The following FNBP1L variants were observed in gnomAD, a reference collection of about 807,000 sequenced individuals.
FNBP1L encodes formin binding protein 1 like.
Under a neutral mutation model 91.2 loss-of-function variants are expected in FNBP1L, and 36 were observed. The observed-to-expected ratio is 0.39, with a 90% confidence interval of 0.30 to 0.52. The LOEUF (loss-of-function observed/expected upper bound fraction) is 0.52. Among genes scored for constraint, FNBP1L ranks in the 20% least tolerant of loss-of-function variants. The pLI, the probability that FNBP1L is intolerant of heterozygous loss-of-function variation, is 0.66. For synonymous variants in FNBP1L, 242 were observed against 237.0 expected (o/e 1.02, Z -0.19); for missense variants, 571 against 732.1 (o/e 0.78, Z 2.54).
chr1:93,501,432 C>G (rs544581120), intron 2 of FNBP1L, among the ~76,000 whole-genome samples: 8 of 152,048 alleles, frequency 5.3e-5, no homozygotes, highest in African/African-American at 1.9e-4. Context: ...AAAGGGGAAG[C>G]GTGGATGTAT....
At chr1:93,468,605 A>C (rs1669176103) in intron 1 of FNBP1L, among the ~76,000 whole-genome samples, 1 of 151,854 alleles carries the variant, frequency 6.6e-6, no homozygotes, top group South Asian at 2.1e-4. Context: ...TAATTTTTAT[A>C]TTTTTGGTAG....
At chr1:93,492,494 A>G (rs182553884) in intron 1 of FNBP1L, among the ~76,000 whole-genome samples, 1 of 152,288 alleles carries the variant, frequency 6.6e-6, no homozygotes, top group East Asian at 1.9e-4. Context: ...CTTTACTAGT[A>G]TTTAAAATGT....
In FNBP1L at chr1:93,533,064, G is replaced by C; in HGVS notation, c.782G>C (p.Arg261Thr). ...MILAAKSVDE[R>T]RDSQMVVDSF... ...CTTGCAGCAAAATCAGTTGATGAAA[G>C]AAGAGTAAGTGCTAAATAATTATCT... The change falls in exon 8 of 17, where the codon AGA (arginine) becomes ACA (threonine). Residue 261 changes from arginine (R) to threonine (T), a missense_variant. Around this residue, in one of 5 missense-constraint regions of FNBP1L, gnomAD observed 220 missense variants for 313.6 expected, o/e 0.70. Coordinates refer to ENST00000271234, the MANE Select transcript of FNBP1L (RefSeq NM_001164473.3). 6.3e-7 allele frequency: 1 copy of C among 1,595,988 alleles called. No individual in the cohort carries two copies.
intron 2 of FNBP1L, among the ~76,000 whole-genome samples, chr1:93,507,103 ACACACTCT>A (rs1553215039): frequency 4.4e-3 from 230 of 52,398 alleles, no homozygotes; most frequent in African/African-American, 7.4e-3. Flanking sequence ...ACACACACAC[ACACACTCT>A]CTCTCTCTCT....
chr1:93,494,839 G>C (rs1427421626), intron 1 of FNBP1L, among the ~76,000 whole-genome samples: 2 of 152,190 alleles, frequency 1.3e-5, no homozygotes, highest in Non-Finnish European at 2.9e-5. Context: ...CAAATGAGGA[G>C]CAAAGTCACG....
At chr1:93,456,798 C>G (rs915462019) in intron 1 of FNBP1L, among the ~76,000 whole-genome samples, 13 of 151,556 alleles carry the variant, frequency 8.6e-5, no homozygotes, top group Non-Finnish European at 1.3e-4. Context: ...AAAATCGTTG[C>G]TTTTGGGGGA....
chr1:93,530,908 C>G, intron 7 of FNBP1L, 25 bp downstream of exon 7: 1 of 1,501,454 alleles, frequency 6.7e-7, no homozygotes, highest in East Asian at 2.5e-5. Flanking sequence ...TGAAGTTAAT[C>G]TAGTTTTAGA....
intron 15 of FNBP1L, among the ~76,000 whole-genome samples, chr1:93,550,482 C>T (rs945567528): frequency 6.6e-6 from 1 of 152,148 alleles, no homozygotes; most frequent in African/African-American, 2.4e-5. Context: ...TCTGTTTCTA[C>T]CATCTCTAGA....
At chr1:93,458,806 CTATT>C (rs1483600524) in intron 1 of FNBP1L, among the ~76,000 whole-genome samples, 1 of 152,172 alleles carries the variant, frequency 6.6e-6, no homozygotes, top group Non-Finnish European at 1.5e-5. Context: ...ACTTTTATTA[CTATT>C]TATTGTTCTA....
chr1:93,448,716 A>T (rs1395708237), intron 1 of FNBP1L, among the ~76,000 whole-genome samples: 1 of 152,084 alleles, frequency 6.6e-6, no homozygotes, highest in African/African-American at 2.4e-5. Context: ...CATTGTCCCC[A>T]AGGGGCGCTG....
chr1:93,465,560 T>G (rs1329623070), intron 1 of FNBP1L, among the ~76,000 whole-genome samples: 1 of 152,198 alleles, frequency 6.6e-6, no homozygotes, highest in Non-Finnish European at 1.5e-5. Context: ...TGCATAGTAT[T>G]CCATGGTATA....
At chr1:93,551,227 C>T (rs1672405999) in intron 16 of FNBP1L, 122 bp downstream of exon 16, 3 of 1,389,794 alleles carry the variant, frequency 2.2e-6, no homozygotes, top group African/African-American at 1.4e-5. Flanking sequence ...AAAGGGCATC[C>T]AAGATTAATT....
intron 1 of FNBP1L, chr1:93,488,439 G>A (rs1261973602): frequency 6.6e-6 from 1 of 152,188 alleles, no homozygotes; most frequent in Admixed American, 6.6e-5. Flanking sequence ...TTCAGGGTTG[G>A]TGGGTCTGTG....
intron 1 of FNBP1L, among the ~76,000 whole-genome samples, chr1:93,492,059 G>A (rs1670109089): frequency 1.3e-5 from 2 of 152,194 alleles, no homozygotes; most frequent in South Asian, 4.1e-4. Context: ...TTTGGAGAGA[G>A]CTAATACATA....
intron 1 of FNBP1L, among the ~76,000 whole-genome samples, chr1:93,449,228 C>CT (rs1281872905): frequency 6.6e-6 from 1 of 151,998 alleles, no homozygotes; most frequent in Admixed American, 6.5e-5. Flanking sequence ...GAATTTGCTC[C>CT]TGGCGCCGGC....
rs1324477889 is a variant in FNBP1L at position 93,498,765 on chromosome 1, C to G, written c.25-703C>G. Among the ~76,000 whole-genome samples the G allele has an allele frequency of 3.9e-5, 6 of 152,122 alleles. No individual in the cohort carries two copies. In the South Asian group the frequency reaches 1.2e-3, roughly 31 times the overall value. On this transcript the variant is annotated intron_variant, in intron 1 of 16. Transcript: ENST00000271234. ...AAGAGCCTTGTAGGACAGTGGTACT[C>G]TATTATATGTCATTATCATGTTTCC...
rs1234386727 is a variant in FNBP1L, at chr1:93,545,906, GTT to G, written c.1275-934_1275-933del. 3.3e-5 allele frequency among the ~76,000 whole-genome samples: 5 copies of G among 151,682 alleles called. No individual in the cohort carries two copies. The East Asian group carries it at 7.7e-4, about 23-fold the overall frequency. On this transcript the variant is annotated intron_variant, in intron 12 of 16. Coordinates refer to ENST00000271234, the MANE Select transcript of FNBP1L (RefSeq NM_001164473.3). ...ATTTAATTGCAACAATAAGAAAAAA[GTT>G]TAGGGCAAAGATAAAGATTTTGTTT...
chr1:93,488,619 C>T (rs529905965), intron 1 of FNBP1L, among the ~76,000 whole-genome samples: 3 of 152,050 alleles, frequency 2.0e-5, no homozygotes, highest in Non-Finnish European at 2.9e-5. Context: ...GGCATTCTGG[C>T]GCTCACACAC....
chr1:93,517,819 A>G (rs752259331), intron 2 of FNBP1L, among the ~76,000 whole-genome samples: 4 of 151,444 alleles, frequency 2.6e-5, no homozygotes, highest in Non-Finnish European at 5.9e-5. Flanking sequence ...ATTCACATTC[A>G]TTATTTTAAC....
Sources: allele counts gnomAD v4.1 joint callset (sites outside exome capture counted in the v4.1 genomes callset), GRCh38; gene constraint gnomAD v4.1.1; regional missense constraint gnomAD v4.1.1; transcripts MANE v1.5; gene names NCBI Gene and HGNC (gene_info 2026-07-23, HGNC 2026-07-21).